EBAG9: variants seen among roughly 807,000 people sequenced by gnomAD.
The protein encoded by EBAG9 is receptor-binding cancer antigen expressed on SiSo cells.
Under a neutral mutation model 30.9 loss-of-function variants are expected in EBAG9, and 16 were observed. The observed-to-expected ratio is 0.52, with a 90% CI of 0.35 to 0.79. The LOEUF (loss-of-function observed/expected upper bound fraction) is 0.79. Among genes scored for constraint, EBAG9 ranks in the 30% least tolerant of loss-of-function variants. The pLI is 0.01. For synonymous variants in EBAG9, 93 were observed against 82.8 expected, an observed-to-expected ratio of 1.12 and a Z score of -0.67; for missense variants, 197 against 242.1, an observed-to-expected ratio of 0.81 and a Z score of 1.24.
chr8:109,541,090 T>G (rs1280164193), intron 1 of EBAG9, among the ~76,000 whole-genome samples: 1 of 152,204 alleles, frequency 6.6e-6, no homozygotes, highest in Non-Finnish European at 1.5e-5. Context: ...ATTCTTGATT[T>G]CCTAGAGTTG....
chr8:109,557,061 C>T lies in EBAG9; in HGVS notation c.429+19C>T, dbSNP rs762100223. On this transcript the variant is annotated intron_variant, in intron 5 of 6. Coordinates refer to ENST00000337573, the MANE Select transcript of EBAG9 (RefSeq NM_004215.5). Reference sequence around the variant, plus strand: ...TCAGTCTGTAAGTATGTTAATGGTTCTAGGGAAGGGTTTTGTTGTATTTCT... The same window carrying T: ...TCAGTCTGTAAGTATGTTAATGGTTTTAGGGAAGGGTTTTGTTGTATTTCT... The T allele has an allele frequency of 1.4e-6, 2 of 1,474,902 alleles. No homozygotes were observed. The highest frequency in any genetic ancestry group is 4.7e-5 in the East Asian group (2 of 42,766). The allele number at this position is 1,474,902 out of a possible 1,614,324, so 91.4% of individuals were successfully genotyped here.
chr8:109,560,945 T>A lies in EBAG9; in HGVS notation c.521+16T>A, dbSNP rs766753681. 3 of 1,603,596 alleles carry A rather than the reference T, an allele frequency of 1.9e-6. No homozygotes were observed. The highest frequency in any genetic ancestry group is 2.6e-6 in the Non-Finnish European group (3 of 1,171,700). ...AAGTTCTGAGGTATTTGAGTGGCAT[T>A]TATATTGCAACCTGAGTAGAAGAAC... On this transcript the variant is annotated intron_variant, in intron 6 of 6. Transcript: ENST00000337573.
chr8:109,549,447 G>GTA (rs1360505722), intron 1 of EBAG9, among the ~76,000 whole-genome samples: 2 of 151,928 alleles, frequency 1.3e-5, no homozygotes, highest in African/African-American at 4.8e-5. Flanking sequence ...TTGGCAGTTT[G>GTA]TATAGAATTG....
At position 109,554,892 on chromosome 8, in the gene EBAG9, G is replaced by A. The variant is rs2131119731; in HGVS notation, c.321+5G>A. On this transcript the variant is annotated splice_donor_5th_base_variant and intron_variant, in intron 4 of 6. Transcript: ENST00000337573. ...ACTATTAGGAAAACTCAGAAAGTAT[G>A]TTAAGATTTATGCTTTTGGAGATTA... 1.2e-6 allele frequency: 2 copies of A among 1,610,336 alleles called. No homozygotes were observed. Among genetic ancestry groups the A allele is most frequent in the Non-Finnish European group, 1.7e-6 (2 of 1,177,914 alleles).
intron 1 of EBAG9, chr8:109,550,458 T>C (rs1821470296): frequency 6.1e-6 from 1 of 163,618 alleles, no homozygotes; most frequent in African/African-American, 2.4e-5. Flanking sequence ...TTAAATAGTA[T>C]TATGTTCATG....
chr8:109,565,621 T>C lies in EBAG9; in HGVS notation c.*1062T>C, dbSNP rs1821811797. On this transcript the variant is annotated 3_prime_UTR_variant, in exon 7 of 7. Coordinates refer to ENST00000337573, the MANE Select transcript of EBAG9 (RefSeq NM_004215.5). ...TGTAGGGGAAAAGTAGACTTCATAG[T>C]TTAAAATCCCATTAACCTTTTCACC... 6.6e-6 allele frequency: 1 copy of C among 152,086 alleles called. No individual in the cohort carries two copies. The highest frequency in any genetic ancestry group is 1.5e-5 in the Non-Finnish European group (1 of 67,954). The allele number at this position is 152,086 out of a possible 1,614,324, so 9.4% of individuals were successfully genotyped here.
chr8:109,553,953 T>G lies in EBAG9; in HGVS notation c.162+10T>G, dbSNP rs1821545357. Reference sequence around the variant, plus strand: ...ATCAGTTCCTAAGCAGGTAGGTTTTTTTTGTGTGTTCTTTTGTTTTGTTTT... The same window carrying G: ...ATCAGTTCCTAAGCAGGTAGGTTTTGTTTGTGTGTTCTTTTGTTTTGTTTT... On this transcript the variant is annotated intron_variant, in intron 3 of 6. Transcript: ENST00000337573. The G allele has an allele frequency of 6.3e-7, 1 of 1,587,016 alleles. No homozygotes were observed. The highest frequency in any genetic ancestry group is 8.6e-7 in the Non-Finnish European group (1 of 1,168,598).
At chr8:109,557,615 C>T (rs1586693314) in intron 5 of EBAG9, 2 of 452,476 alleles carry the variant, frequency 4.4e-6, no homozygotes, top group East Asian at 1.4e-4. Flanking sequence ...TGTAACAACT[C>T]CAAATTCAGT....
chr8:109,563,986 T>A (rs1335137100), intron 6 of EBAG9, among the ~76,000 whole-genome samples: 1 of 152,088 alleles, frequency 6.6e-6, no homozygotes, highest in African/African-American at 2.4e-5. Flanking sequence ...ATCATGCACT[T>A]TAAAAACTGG....
At chr8:109,563,575 C>A in intron 6 of EBAG9, 1 of 1,466,680 alleles carries the variant, frequency 6.8e-7, no homozygotes, top group Non-Finnish European at 9.0e-7. Context: ...ATACCTACCA[C>A]TCTTTTTTTT....
At chr8:109,559,429 G>A (rs1382589646) in intron 5 of EBAG9, among the ~76,000 whole-genome samples, 2 of 152,166 alleles carry the variant, frequency 1.3e-5, no homozygotes, top group Admixed American at 1.3e-4. Context: ...CTACACTCCA[G>A]CCTAGGTGAC....
Position 109,552,908 on chromosome 8 carries a change from C to T in EBAG9, c.84-957C>T, listed in dbSNP as rs114322542. 9.1e-3 allele frequency among the ~76,000 whole-genome samples: 1,390 copies of T among 152,170 alleles called. 14 individuals carry two copies. Among genetic ancestry groups the T allele is most frequent in the African/African-American group, 0.031 (1,305 of 41,498 alleles). On this transcript the variant is annotated intron_variant, in intron 2 of 6. Coordinates refer to ENST00000337573, the MANE Select transcript of EBAG9 (RefSeq NM_004215.5). ...GCCAGGAGTTCAAGACCAGCCTGGG[C>T]AACACAGCAGGACCCCATCTCTATG... is the stretch of plus-strand genomic sequence containing the variant.
In EBAG9 at chr8:109,564,174, C is replaced by T. The variant is rs528012982; in HGVS notation, c.522-265C>T. On this transcript the variant is annotated intron_variant, in intron 6 of 6. Coordinates refer to ENST00000337573, the MANE Select transcript of EBAG9 (RefSeq NM_004215.5). Reference sequence around the variant, plus strand: ...ATCCCTGTACTTAATCCTATGACTTCGGGCAAGTCACTTAGCCTTTATGCC... The same window carrying T: ...ATCCCTGTACTTAATCCTATGACTTTGGGCAAGTCACTTAGCCTTTATGCC... 3.3e-5 allele frequency among the ~76,000 whole-genome samples: 5 copies of T among 152,128 alleles called. No homozygotes were observed. The South Asian group carries it at 6.2e-4, about 19-fold the overall frequency.
chr8:109,549,751 A>C (rs961024637), intron 1 of EBAG9, among the ~76,000 whole-genome samples: 8 of 152,032 alleles, frequency 5.3e-5, no homozygotes, highest in Non-Finnish European at 1.2e-4. Context: ...GTTATTAAGG[A>C]CACGTGTTTT....
Position 109,553,896 on chromosome 8 carries a change from C to A in EBAG9, c.115C>A (p.Gln39Lys), listed in dbSNP as rs1278429551. 1 of 1,609,268 alleles carries A rather than the reference C, an allele frequency of 6.2e-7. No homozygotes were observed. Among genetic ancestry groups the A allele is most frequent in the Non-Finnish European group, 8.5e-7 (1 of 1,178,612 alleles). ...CAGAGGACGGAAATTAAGTGGAGAC[C>A]AAATAACTTTGCCAACTACAGTTGA... The part of the protein sequence containing the change: ...SGRGRKLSGD[Q>K]ITLPTTVDYS... Residue 39 changes from glutamine (Q) to lysine (K), a missense_variant, in exon 3 of 7, where the codon CAA becomes AAA. Gln to Lys is a moderately conservative substitution (Grantham distance 53). Coordinates refer to ENST00000337573, the MANE Select transcript of EBAG9 (RefSeq NM_004215.5).
intron 1 of EBAG9, among the ~76,000 whole-genome samples, chr8:109,546,235 G>A (rs964142969): frequency 6.6e-6 from 1 of 152,178 alleles, no homozygotes; most frequent in African/African-American, 2.4e-5. Context: ...TAATTTAAGT[G>A]ACATAATATT....
intron 6 of EBAG9, 79 bp from the exon 7 acceptor site, chr8:109,564,360 A>C (rs1198070267): frequency 6.5e-7 from 1 of 1,532,320 alleles, no homozygotes; most frequent in Admixed American, 2.2e-5. Flanking sequence ...ATAAAAAGGC[A>C]CTGCTATTTC....
Position 109,564,871 on chromosome 8 carries a change from A to C in EBAG9, c.*312A>C. ...CAAGCTAGTGTTTCTAGCTAAATAAATGGGTGTATATAATTTTATGGTGGA... is the reference window on the plus strand; with the variant it reads ...CAAGCTAGTGTTTCTAGCTAAATAACTGGGTGTATATAATTTTATGGTGGA... On this transcript the variant is annotated 3_prime_UTR_variant, in exon 7 of 7. Transcript: ENST00000337573. 5.5e-6 allele frequency: 1 copy of C among 180,396 alleles called. No individual in the cohort carries two copies. Among genetic ancestry groups the C allele is most frequent in the Non-Finnish European group, 1.2e-5 (1 of 86,510 alleles). 11.2% of individuals were successfully genotyped at this position (180,396 alleles called of 1,614,324 possible).
At chr8:109,543,711 GTCTTGAA>G (rs1297175791) in intron 1 of EBAG9, among the ~76,000 whole-genome samples, 1 of 151,936 alleles carries the variant, frequency 6.6e-6, no homozygotes, top group East Asian at 1.9e-4. Context: ...GACTTTAGGA[GTCTTGAA>G]TCCCCATGAA....
Sources: gnomAD v4.1 joint callset for allele counts (sites outside exome capture counted in the v4.1 genomes callset) on GRCh38, gnomAD v4.1.1 for gene constraint, MANE v1.5 for transcripts, NCBI Gene and HGNC (gene_info 2026-07-23, HGNC 2026-07-21) for gene names.